The following NEMP2 variants were observed in gnomAD, a reference collection of about 807,000 sequenced individuals.
NEMP2 encodes nuclear envelope integral membrane protein 2.
In NEMP2, 53 loss-of-function variants were observed where a neutral mutation model predicts 54.2. That is an observed-to-expected ratio of 0.98 (90% CI 0.78 to 1.23). NEMP2 has a LOEUF of 1.23. NEMP2 is among the 50% of genes most tolerant of loss of function. The pLI, the probability that NEMP2 is intolerant of heterozygous loss-of-function variation, is 0.00. For missense variants in NEMP2, 455 were observed against 511.3 expected, an observed-to-expected ratio of 0.89 and a Z score of 1.06; for synonymous variants, 197 against 190.3, an observed-to-expected ratio of 1.04 and a Z score of -0.29.
the NEMP2 span, among the ~76,000 whole-genome samples, chr2:190,554,844 AC>A: frequency 6.6e-6 from 1 of 152,226 alleles, no homozygotes; most frequent in African/African-American, 2.4e-5. This position sits in a 1 kb window ranked among gnomAD's most constrained non-coding sequence, Gnocchi z 5.7. Flanking sequence ...GGTCCCTGAC[AC>A]CCAGGTATCC....
At chr2:190,483,680 C>T in the NEMP2 span, among the ~76,000 whole-genome samples, 35 of 151,854 alleles carry the variant, frequency 2.3e-4, no homozygotes, top group Non-Finnish European at 4.3e-4. Flanking sequence ...ACTAAGGGTA[C>T]GAAAATTAGC....
the NEMP2 span, among the ~76,000 whole-genome samples, chr2:190,484,584 T>C: frequency 1.3e-5 from 2 of 152,112 alleles, no homozygotes; most frequent in African/African-American, 2.4e-5. Flanking sequence ...AACGAGAGAA[T>C]CAGAACACAA....
chr2:190,525,192 T>G lies in NEMP2; in HGVS notation c.213+71A>C. ...CCAAAAATACTTTCTATTCCTGAAG[T>G]GGTACATTTCCTGTCCCCAGGACAT... On this transcript the variant is annotated intron_variant, in intron 2 of 8. Coordinates refer to ENST00000409150, the MANE Select transcript of NEMP2 (RefSeq NM_001142645.2). The surrounding 1 kb of genome is among the most constrained non-coding windows in gnomAD (Gnocchi z 5.0). 2.5e-6 allele frequency: 2 copies of G among 800,468 alleles called. No homozygotes were observed. Among genetic ancestry groups the G allele is most frequent in the Non-Finnish European group, 4.1e-6 (2 of 490,502 alleles). 49.6% of individuals were successfully genotyped at this position (800,468 alleles called of 1,614,324 possible).
the NEMP2 span, among the ~76,000 whole-genome samples, chr2:190,462,650 G>A: frequency 9.8e-4 from 149 of 152,204 alleles, 1 homozygote; most frequent in African/African-American, 3.3e-3. This position sits in a 1 kb window ranked among gnomAD's most constrained non-coding sequence, Gnocchi z 5.7. Flanking sequence ...GAGGAACAGC[G>A]GGGGACAGGA....
At chr2:190,598,468 T>C in the NEMP2 span, among the ~76,000 whole-genome samples, 1,833 of 152,376 alleles carry the variant, frequency 0.012, 14 homozygotes, top group South Asian at 0.044. Context: ...TCTTAATGGA[T>C]ATAAGCCTTT....
the NEMP2 span, among the ~76,000 whole-genome samples, chr2:190,540,194 G>C: frequency 6.6e-6 from 1 of 151,900 alleles, no homozygotes; most frequent in African/African-American, 2.4e-5. Flanking sequence ...TTTGTTCTGG[G>C]TTCTGTTAAT....
At position 190,510,648 on chromosome 2, in the gene NEMP2, T is replaced by C. The variant is rs1407530039; in HGVS notation, c.954-111A>G. 1 of 1,100,802 alleles carries C rather than the reference T, an allele frequency of 9.1e-7. No individual in the cohort carries two copies. Among genetic ancestry groups the C allele is most frequent in the Non-Finnish European group, 1.3e-6 (1 of 760,608 alleles). 68.2% of individuals were successfully genotyped at this position (1,100,802 alleles called of 1,614,324 possible). On this transcript the variant is annotated intron_variant, in intron 7 of 8. Transcript: ENST00000409150. The surrounding 1 kb of genome is among the most constrained non-coding windows in gnomAD (Gnocchi z 5.7). ...CTGTAATCCAGCATTTTGGGAGGCC[T>C]GGGGAGGCGGATCACGAGGTCAGGA...
rs1287276209 is a variant in NEMP2 at position 190,525,239 on chromosome 2, C to T, written c.213+24G>A. ...ACATGGTAATTCTCTGTCCCTAAGA[C>T]ATGAGTTAAAAGTAGGCCCTTACCT... On this transcript the variant is annotated intron_variant, in intron 2 of 8. Coordinates refer to ENST00000409150, the MANE Select transcript of NEMP2 (RefSeq NM_001142645.2). This position sits in a 1 kb window ranked among gnomAD's most constrained non-coding sequence, Gnocchi z 5.0. 1.6e-6 allele frequency: 2 copies of T among 1,261,924 alleles called. No individual in the cohort carries two copies. The highest frequency in any genetic ancestry group is 1.8e-4 in the Middle Eastern group (1 of 5,440). 78.2% of individuals were successfully genotyped at this position (1,261,924 alleles called of 1,614,324 possible).
chr2:190,565,236 G>T, the NEMP2 span, among the ~76,000 whole-genome samples: 1 of 152,094 alleles, frequency 6.6e-6, no homozygotes. Context: ...AAGAAAGAAG[G>T]CAGGAGGACC....
In NEMP2 at chr2:190,525,395, G is replaced by A; in HGVS notation, c.98-17C>T. ...ACCTACGAACTGAGAGATGGAAAAG[G>A]GAATGCATTTTCTAACTGTTTAATT... On this transcript the variant is annotated splice_polypyrimidine_tract_variant and intron_variant, in intron 1 of 8. Transcript: ENST00000409150. This position sits in a 1 kb window ranked among gnomAD's most constrained non-coding sequence, Gnocchi z 5.0. 7.0e-7 allele frequency: 1 copy of A among 1,434,258 alleles called. No homozygotes were observed. The highest frequency in any genetic ancestry group is 9.5e-7 in the Non-Finnish European group (1 of 1,047,786). 88.8% of individuals were successfully genotyped at this position (1,434,258 alleles called of 1,614,324 possible). A position where few individuals can be genotyped will look rare whatever the true frequency, so the allele number is the denominator to read the frequency against.
chr2:190,647,984 C>A, the NEMP2 span, among the ~76,000 whole-genome samples: 36,086 of 152,016 alleles, frequency 0.24, 4,385 homozygotes, highest in Middle Eastern at 0.26. Flanking sequence ...ACAGTGCTGG[C>A]ATTACAGGCG....
chr2:190,567,744 G>A, the NEMP2 span, among the ~76,000 whole-genome samples: 1 of 152,148 alleles, frequency 6.6e-6, no homozygotes, highest in South Asian at 2.1e-4. The surrounding 1 kb of genome is among the most constrained non-coding windows in gnomAD (Gnocchi z 4.0). Flanking sequence ...TGCCTCTTGG[G>A]TTCAAGTTAT....
At chr2:190,612,403 C>T in the NEMP2 span, among the ~76,000 whole-genome samples, 2 of 152,176 alleles carry the variant, frequency 1.3e-5, no homozygotes, top group African/African-American at 4.8e-5. Flanking sequence ...ATCTGCCCTC[C>T]TCAGCCTTCC....
the NEMP2 span, among the ~76,000 whole-genome samples, chr2:190,542,834 G>T: frequency 6.6e-6 from 1 of 152,082 alleles, no homozygotes; most frequent in African/African-American, 2.4e-5. This position sits in a 1 kb window ranked among gnomAD's most constrained non-coding sequence, Gnocchi z 4.6. Context: ...CTGCTGTTTT[G>T]AATTCTTGGT....
At chr2:190,561,596 T>G in the NEMP2 span, among the ~76,000 whole-genome samples, 1 of 152,118 alleles carries the variant, frequency 6.6e-6, no homozygotes, top group African/African-American at 2.4e-5. The surrounding 1 kb of genome is among the most constrained non-coding windows in gnomAD (Gnocchi z 5.4). Flanking sequence ...AAGCTCTGTC[T>G]CCAAATATAG....
chr2:190,546,441 C>T, the NEMP2 span, among the ~76,000 whole-genome samples: 1 of 152,104 alleles, frequency 6.6e-6, no homozygotes, highest in Non-Finnish European at 1.5e-5. This position sits in a 1 kb window ranked among gnomAD's most constrained non-coding sequence, Gnocchi z 5.1. Context: ...ATTTGACTGT[C>T]TCTGGATTTT....
At chr2:190,637,308 ATT>A in the NEMP2 span, among the ~76,000 whole-genome samples, 1 of 151,896 alleles carries the variant, frequency 6.6e-6, no homozygotes, top group Admixed American at 6.6e-5. The surrounding 1 kb of genome is among the most constrained non-coding windows in gnomAD (Gnocchi z 4.5). Flanking sequence ...CCTTTCAATC[ATT>A]TCTCTCTTCT....
Position 190,507,716 on chromosome 2 carries a change from C to G in NEMP2, c.*1473G>C, listed in dbSNP as rs1430878330. 1 of 151,784 alleles carries G rather than the reference C, an allele frequency of 6.6e-6. No individual in the cohort carries two copies. Among genetic ancestry groups the G allele is most frequent in the African/African-American group, 2.4e-5 (1 of 41,274 alleles). The allele number at this position is 151,784 out of a possible 1,614,324, so 9.4% of individuals were successfully genotyped here. A position where few individuals can be genotyped will look rare whatever the true frequency, so the allele number is the denominator to read the frequency against. ...GGCAAAAACAGACCTGTAAATACTT[C>G]AAAGAGGAACTATCATTTGAAAATC... On this transcript the variant is annotated 3_prime_UTR_variant, in exon 9 of 9. Transcript: ENST00000409150. This position sits in a 1 kb window ranked among gnomAD's most constrained non-coding sequence, Gnocchi z 4.4.
the NEMP2 span, among the ~76,000 whole-genome samples, chr2:190,591,972 G>A: frequency 1.3e-5 from 2 of 152,142 alleles, no homozygotes; most frequent in Non-Finnish European, 2.9e-5. This position sits in a 1 kb window ranked among gnomAD's most constrained non-coding sequence, Gnocchi z 5.4. Flanking sequence ...AATGTTAAAT[G>A]GGAATATGGA....
Sources: allele counts gnomAD v4.1 joint callset (sites outside exome capture counted in the v4.1 genomes callset), GRCh38; gene constraint gnomAD v4.1.1; non-coding constraint Gnocchi (gnomAD v3.1); transcripts MANE v1.5; gene names NCBI Gene and HGNC (gene_info 2026-07-23, HGNC 2026-07-21).